PDE4B: variants seen among roughly 807,000 people sequenced by gnomAD.
The protein encoded by PDE4B is phosphodiesterase 4B.
A neutral mutation model predicts 82.2 loss-of-function variants in PDE4B; 20 were observed. That is an observed-to-expected ratio of 0.24 (90% CI 0.17 to 0.35). PDE4B has a LOEUF of 0.35. Ranked by LOEUF, PDE4B falls within the 10% of genes least tolerant of loss-of-function variation. The probability of loss-of-function intolerance (pLI) is 1.00; values close to 1 mark genes in which losing one functional copy is unlikely to be tolerated. For missense variants in PDE4B, 655 were observed against 907.2 expected (o/e 0.72, Z 3.57); for synonymous variants, 320 against 318.9 (o/e 1.00, Z -0.04).
intron 3 of PDE4B, among the ~76,000 whole-genome samples, chr1:66,167,323 A>C (rs1051867592): frequency 2.0e-5 from 3 of 152,242 alleles, no homozygotes; most frequent in Non-Finnish European, 4.4e-5. Flanking sequence ...AACATAAACA[A>C]AATGTGATAT....
intron 3 of PDE4B, among the ~76,000 whole-genome samples, chr1:66,133,599 A>AC (rs1645996069): frequency 6.6e-6 from 1 of 152,200 alleles, no homozygotes; most frequent in South Asian, 2.1e-4. Context: ...GGCTGACTTG[A>AC]CCATAAGAAG....
At chr1:65,872,974 A>G (rs1160255883) in intron 1 of PDE4B, among the ~76,000 whole-genome samples, 1 of 152,210 alleles carries the variant, frequency 6.6e-6, no homozygotes, top group Non-Finnish European at 1.5e-5. Flanking sequence ...TTCATATGCA[A>G]ATAAATATTC....
intron 7 of PDE4B, among the ~76,000 whole-genome samples, chr1:66,309,140 T>G (rs1424310237): frequency 6.6e-6 from 1 of 152,192 alleles, no homozygotes; most frequent in Non-Finnish European, 1.5e-5. Flanking sequence ...GTACACTTAG[T>G]CCTGGAAGAA....
At chr1:66,368,998 T>G in intron 16 of PDE4B, 29 bp downstream of exon 16, 1 of 1,547,878 alleles carries the variant, frequency 6.5e-7, no homozygotes, top group South Asian at 1.2e-5. Context: ...TCAAAGTTTT[T>G]GTGAGCTCTG....
intron 3 of PDE4B, among the ~76,000 whole-genome samples, chr1:66,052,175 A>G (rs765660491): frequency 1.3e-5 from 2 of 152,202 alleles, no homozygotes; most frequent in Non-Finnish European, 2.9e-5. Flanking sequence ...CATATACTTT[A>G]CTATTACAAG....
intron 3 of PDE4B, among the ~76,000 whole-genome samples, chr1:66,187,345 C>T (rs1261929523): frequency 6.6e-6 from 1 of 152,024 alleles, no homozygotes. Context: ...ATGCTGGCCG[C>T]ATAAAATGCA....
intron 3 of PDE4B, among the ~76,000 whole-genome samples, chr1:65,995,539 C>G (rs972503248): frequency 6.6e-5 from 10 of 152,168 alleles, no homozygotes; most frequent in Non-Finnish European, 1.2e-4. Context: ...TCTGTATGGT[C>G]TGCTCTACCT....
intron 3 of PDE4B, among the ~76,000 whole-genome samples, chr1:66,151,976 A>G (rs956773890): frequency 6.6e-6 from 1 of 152,234 alleles, no homozygotes; most frequent in Non-Finnish European, 1.5e-5. Flanking sequence ...CGACTGAATG[A>G]TAAATTAATA....
chr1:66,044,234 T>A (rs938688061), intron 3 of PDE4B, among the ~76,000 whole-genome samples: 2 of 151,660 alleles, frequency 1.3e-5, no homozygotes, highest in South Asian at 2.1e-4. Flanking sequence ...TGCTTTCTAT[T>A]TTGAGGTGTT....
intron 6 of PDE4B, among the ~76,000 whole-genome samples, chr1:66,261,418 A>G (rs936476109): frequency 2.0e-5 from 3 of 152,080 alleles, no homozygotes; most frequent in African/African-American, 7.2e-5. Context: ...AACAGCTGAA[A>G]CTGTAGAATT....
At chr1:66,358,872 A>G (rs1662523073) in intron 9 of PDE4B, among the ~76,000 whole-genome samples, 1 of 152,126 alleles carries the variant, frequency 6.6e-6, no homozygotes, top group Non-Finnish European at 1.5e-5. Context: ...TAATCCAGAG[A>G]TAGGTGAAAC....
intron 3 of PDE4B, among the ~76,000 whole-genome samples, chr1:65,971,841 G>T (rs1039603492): frequency 2.0e-5 from 3 of 152,120 alleles, no homozygotes; most frequent in African/African-American, 4.8e-5. Context: ...CTATATTCCT[G>T]TAGCTATAAC....
chr1:66,052,555 GT>G (rs11375339), intron 3 of PDE4B, among the ~76,000 whole-genome samples: 198 of 139,366 alleles, frequency 1.4e-3, no homozygotes, highest in African/African-American at 2.9e-3. Flanking sequence ...CAGGGACCGA[GT>G]TTTTTTTTTT....
At chr1:66,182,588 G>C (rs981398091) in intron 3 of PDE4B, among the ~76,000 whole-genome samples, 2 of 152,156 alleles carry the variant, frequency 1.3e-5, no homozygotes, top group Non-Finnish European at 2.9e-5. Context: ...ATTTGGTGCT[G>C]AGCCAGGAGG....
At chr1:65,795,902 A>G (rs1215376593) in intron 1 of PDE4B, among the ~76,000 whole-genome samples, 4 of 152,170 alleles carry the variant, frequency 2.6e-5, no homozygotes, top group Admixed American at 1.3e-4. Context: ...TACCCCATAC[A>G]TTCATTTTGC....
chr1:65,833,361 G>GGTC (rs1646103630), intron 1 of PDE4B, among the ~76,000 whole-genome samples: 1 of 152,162 alleles, frequency 6.6e-6, no homozygotes, highest in Admixed American at 6.5e-5. Context: ...CCCCTCACCA[G>GGTC]ACTTTAAGGC....
chr1:66,310,065 T>A (rs1658561088), intron 7 of PDE4B, among the ~76,000 whole-genome samples: 1 of 152,146 alleles, frequency 6.6e-6, no homozygotes, highest in Non-Finnish European at 1.5e-5. Flanking sequence ...AATTCAGGTG[T>A]CAAGGGAGCC....
At chr1:66,362,829 A>C (rs1041271805) in intron 10 of PDE4B, among the ~76,000 whole-genome samples, 1 of 152,178 alleles carries the variant, frequency 6.6e-6, no homozygotes, top group African/African-American at 2.4e-5. Context: ...AAGGGGAGAG[A>C]CAGGGACATT....
intron 7 of PDE4B, among the ~76,000 whole-genome samples, chr1:66,289,219 G>C (rs1570631547): frequency 6.6e-6 from 1 of 152,156 alleles, no homozygotes. Context: ...AATGAGCCAT[G>C]ATGGTGTCTC....
Sources: gnomAD v4.1 joint callset for allele counts (sites outside exome capture counted in the v4.1 genomes callset) on GRCh38, gnomAD v4.1.1 for gene constraint, MANE v1.5 for transcripts, NCBI Gene and HGNC (gene_info 2026-07-23, HGNC 2026-07-21) for gene names.